TMEM114: variants seen among roughly 807,000 people sequenced by gnomAD.
TMEM114 encodes the protein claudin-26.
A neutral mutation model predicts 6.2 loss-of-function variants in TMEM114; 6 were observed. The observed-to-expected ratio is 0.97, with a 90% CI of 0.53 to 1.91. The LOEUF (loss-of-function observed/expected upper bound fraction) is 1.91. Among genes scored for constraint, TMEM114 ranks in the 40% most tolerant of loss-of-function variants. The pLI, the probability that TMEM114 is intolerant of heterozygous loss-of-function variation, is 0.01. For synonymous variants in TMEM114, 104 were observed against 73.0 expected (o/e 1.42, Z -2.16); for missense variants, 218 against 158.3 (o/e 1.38, Z -2.02).
chr16:8,544,386 A>T (rs766892776), intron 2 of TMEM114, among the ~76,000 whole-genome samples: 1 of 152,198 alleles, frequency 6.6e-6, no homozygotes, highest in Non-Finnish European at 1.5e-5. Flanking sequence ...TGGTCTCCTC[A>T]TTCAAGGAAT....
chr16:8,556,382 A>G (rs1351617342), intron 2 of TMEM114, among the ~76,000 whole-genome samples: 1 of 152,148 alleles, frequency 6.6e-6, no homozygotes, highest in African/African-American at 2.4e-5. Flanking sequence ...GGGTGAAAAC[A>G]TTCATCCTTT....
At chr16:8,544,952 C>G (rs544316948) in intron 2 of TMEM114, among the ~76,000 whole-genome samples, 200 of 150,854 alleles carry the variant, frequency 1.3e-3, no homozygotes, top group African/African-American at 4.5e-3. Flanking sequence ...CCACCTCCCC[C>G]CAACCCCGTA....
At chr16:8,565,036 A>C (rs796520627), downstream of TMEM114, among the ~76,000 whole-genome samples, 27 of 149,194 alleles carry the variant, frequency 1.8e-4, no homozygotes, top group African/African-American at 6.6e-4. Context: ...TGAGTGAATG[A>C]GTGAGTGAAT....
downstream of TMEM114, among the ~76,000 whole-genome samples, chr16:8,564,901 A>ATGGG (rs1901481278): frequency 6.1e-5 from 2 of 32,724 alleles, no homozygotes; most frequent in Admixed American, 5.6e-4. Flanking sequence ...GAGTGAGTGA[A>ATGGG]TGAGTGAATG....
chr16:8,571,263 C>T (rs1384507533), intron 3 of TMEM114, among the ~76,000 whole-genome samples: 1 of 152,070 alleles, frequency 6.6e-6, no homozygotes, highest in Non-Finnish European at 1.5e-5. Flanking sequence ...GTCTGTCCAC[C>T]TGTTGTTTTG....
At chr16:8,548,629 A>G (rs1277796274) in intron 2 of TMEM114, among the ~76,000 whole-genome samples, 1 of 150,830 alleles carries the variant, frequency 6.6e-6, no homozygotes, top group East Asian at 1.9e-4. Context: ...CTGAGCAGAG[A>G]TGAAATCTTA....
intron 2 of TMEM114, among the ~76,000 whole-genome samples, chr16:8,538,041 G>C (rs1342309053): frequency 1.4e-5 from 2 of 141,852 alleles, no homozygotes; most frequent in Middle Eastern, 3.6e-3. Flanking sequence ...ACTTACACCT[G>C]TAATCCTGGC....
intron 2 of TMEM114, among the ~76,000 whole-genome samples, chr16:8,583,667 G>A (rs1902224890): frequency 6.6e-6 from 1 of 152,036 alleles, no homozygotes; most frequent in Admixed American, 6.5e-5. Flanking sequence ...AGAATTGCTT[G>A]AGCCTGGGAG....
chr16:8,551,219 AC>A (rs767153688), intron 2 of TMEM114, among the ~76,000 whole-genome samples: 1 of 152,084 alleles, frequency 6.6e-6, no homozygotes, highest in Non-Finnish European at 1.5e-5. Context: ...ATTTGGCCAG[AC>A]TTTGTTAATT....
intron 2 of TMEM114, among the ~76,000 whole-genome samples, chr16:8,578,446 G>T (rs1470844827): frequency 2.0e-5 from 3 of 152,028 alleles, no homozygotes; most frequent in East Asian, 3.9e-4. Context: ...TTCTCATAAG[G>T]ACATTTGTCA....
the TMEM114 span, among the ~76,000 whole-genome samples, chr16:8,532,360 T>A: frequency 6.6e-6 from 1 of 152,106 alleles, no homozygotes; most frequent in Non-Finnish European, 1.5e-5. Flanking sequence ...ATAGGGAAGT[T>A]TGGATGTCGT....
chr16:8,529,380 G>T, the TMEM114 span, among the ~76,000 whole-genome samples: 6 of 152,162 alleles, frequency 3.9e-5, no homozygotes, highest in Non-Finnish European at 8.8e-5. Context: ...CCCATTAGTG[G>T]AAATGGCTCT....
intron 2 of TMEM114, among the ~76,000 whole-genome samples, chr16:8,540,206 A>AAT (rs929532535): frequency 6.6e-6 from 1 of 152,090 alleles, no homozygotes; most frequent in African/African-American, 2.4e-5. Context: ...AATTGCTATA[A>AAT]ATATATATAT....
intron 2 of TMEM114, among the ~76,000 whole-genome samples, chr16:8,582,243 C>G (rs1428195401): frequency 1.3e-5 from 2 of 152,186 alleles, no homozygotes; most frequent in Non-Finnish European, 2.9e-5. Flanking sequence ...ATCTGACCAG[C>G]CTGGCCTCTC....
At chr16:8,571,735 C>T (rs995095410) in intron 3 of TMEM114, among the ~76,000 whole-genome samples, 1 of 152,122 alleles carries the variant, frequency 6.6e-6, no homozygotes, top group Non-Finnish European at 1.5e-5. Context: ...ATCAGAATGG[C>T]TGATCAGCAG....
chr16:8,530,644 C>T, the TMEM114 span, among the ~76,000 whole-genome samples: 4 of 147,548 alleles, frequency 2.7e-5, no homozygotes, highest in South Asian at 2.2e-4. Context: ...TAAGGGGGGA[C>T]GGATGAAGAG....
downstream of TMEM114, chr16:8,569,466 G>T: frequency 1.6e-6 from 2 of 1,223,550 alleles, no homozygotes; most frequent in Non-Finnish European, 2.1e-6. Flanking sequence ...AGTCGGAGGG[G>T]GCGTGAGGAC....
chr16:8,542,714 G>A (rs182366196), intron 2 of TMEM114, among the ~76,000 whole-genome samples: 25 of 152,162 alleles, frequency 1.6e-4, no homozygotes, highest in Non-Finnish European at 2.9e-4. Context: ...AATGAGCCTT[G>A]GAAGGAACAG....
At chr16:8,557,738 T>A (rs1406539971) in intron 2 of TMEM114, among the ~76,000 whole-genome samples, 2 of 152,212 alleles carry the variant, frequency 1.3e-5, no homozygotes, top group Non-Finnish European at 2.9e-5. Context: ...TTGGGAAAGA[T>A]AATAACAGCA....
Sources: gnomAD v4.1 joint callset for allele counts (sites outside exome capture counted in the v4.1 genomes callset) on GRCh38, gnomAD v4.1.1 for gene constraint, MANE v1.5 for transcripts, NCBI Gene and HGNC (gene_info 2026-07-23, HGNC 2026-07-21) for gene names.